BIN1: variants seen among roughly 807,000 people sequenced by gnomAD.
BIN1 encodes bridging integrator 1.
Under a neutral mutation model 82.0 loss-of-function variants are expected in BIN1, and 53 were observed. The ratio of observed to expected loss-of-function variants is 0.65; its 90% CI spans 0.52 to 0.81. The LOEUF (loss-of-function observed/expected upper bound fraction) is 0.81. Ranked by LOEUF, BIN1 falls within the 40% of genes least tolerant of loss-of-function variation. The pLI is 0.00. For missense variants in BIN1, 642 were observed against 784.4 expected, an observed-to-expected ratio of 0.82 and a Z score of 2.17; for synonymous variants, 302 against 328.0, an observed-to-expected ratio of 0.92 and a Z score of 0.86.
intron 7 of BIN1, among the ~76,000 whole-genome samples, chr2:127,065,837 G>A (rs1263750028): frequency 1.3e-5 from 2 of 152,208 alleles, no homozygotes; most frequent in East Asian, 1.9e-4. Context: ...CCCGTGTCTT[G>A]TATTCCCTTT....
intron 2 of BIN1, among the ~76,000 whole-genome samples, chr2:127,075,846 A>C (rs1686532888): frequency 1.1e-5 from 1 of 91,124 alleles, no homozygotes; most frequent in Non-Finnish European, 2.1e-5. Context: ...CCTCTCCCAG[A>C]ATGCTCCCAG....
At chr2:127,063,767 G>GCACCGCAGCACTCAGGCTGGA (rs1684802886) in intron 8 of BIN1, 121 bp from the exon 9 acceptor site, 1 of 1,381,200 alleles carries the variant, frequency 7.2e-7, no homozygotes, top group African/African-American at 1.4e-5. Context: ...GAGGGCCCAG[G>GCACCGCAGCACTCAGGCTGGA]CACCGCAGCA....
At chr2:127,053,704 C>T in intron 13 of BIN1, 1 of 700,264 alleles carries the variant, frequency 1.4e-6, no homozygotes, top group African/African-American at 1.8e-5. Context: ...GTTCAGTAAC[C>T]CCCTACTGAG....
chr2:127,050,945 G>T, intron 16 of BIN1, 33 bp from the exon 17 acceptor site: 1 of 1,604,872 alleles, frequency 6.2e-7, no homozygotes, highest in South Asian at 1.1e-5. Context: ...GCTGAGCAGG[G>T]AGGTGGTCCA....
At chr2:127,085,048 A>G (rs1172672325) in intron 1 of BIN1, among the ~76,000 whole-genome samples, 1 of 137,742 alleles carries the variant, frequency 7.3e-6, no homozygotes, top group African/African-American at 2.7e-5. Context: ...GCCCCGCCCC[A>G]CCCCAGAGCT....
chr2:127,105,051 C>T (rs1680861608), intron 1 of BIN1, among the ~76,000 whole-genome samples: 1 of 152,226 alleles, frequency 6.6e-6, no homozygotes, highest in South Asian at 2.1e-4. Context: ...GGCCACAGAA[C>T]AGGGGCTCAA....
chr2:127,060,365 T>C (rs905940386), intron 10 of BIN1, among the ~76,000 whole-genome samples: 1 of 152,154 alleles, frequency 6.6e-6, no homozygotes. Context: ...GCTAGACAAG[T>C]GTGGGGCGCC....
At chr2:127,080,633 G>C (rs185836826) in intron 1 of BIN1, among the ~76,000 whole-genome samples, 118 of 152,330 alleles carry the variant, frequency 7.7e-4, no homozygotes, top group African/African-American at 2.7e-3. Context: ...CAGCCACAGA[G>C]CCAACAGTCC....
intron 1 of BIN1, among the ~76,000 whole-genome samples, chr2:127,089,296 G>A (rs1456547856): frequency 2.6e-5 from 4 of 152,138 alleles, no homozygotes; most frequent in African/African-American, 9.7e-5. Flanking sequence ...AGCATGGAAC[G>A]TGGAACCCTG....
intron 7 of BIN1, among the ~76,000 whole-genome samples, chr2:127,066,981 G>C (rs989903336): frequency 7.9e-5 from 12 of 151,820 alleles, no homozygotes; most frequent in Non-Finnish European, 1.5e-4. Flanking sequence ...TGAGGCAGAA[G>C]GATTGCTTGA....
intron 1 of BIN1, among the ~76,000 whole-genome samples, chr2:127,092,005 T>C (rs1414519411): frequency 1.3e-5 from 2 of 151,504 alleles, no homozygotes; most frequent in Non-Finnish European, 2.9e-5. Context: ...CCCTACCCCA[T>C]GGCCCCTACC....
intron 1 of BIN1, among the ~76,000 whole-genome samples, chr2:127,081,620 C>A (rs1048574739): frequency 2.0e-5 from 3 of 152,186 alleles, no homozygotes; most frequent in Admixed American, 6.5e-5. Flanking sequence ...GTGAGGGCCG[C>A]GTTCCCAGTC....
intron 1 of BIN1, among the ~76,000 whole-genome samples, chr2:127,088,962 G>A (rs531851188): frequency 3.3e-5 from 5 of 152,234 alleles, no homozygotes; most frequent in Admixed American, 2.6e-4. Flanking sequence ...CAGCAAGACC[G>A]GCGTGGCTGA....
chr2:127,058,048 A>C (rs1473308203), intron 11 of BIN1, among the ~76,000 whole-genome samples: 1 of 151,488 alleles, frequency 6.6e-6, no homozygotes, highest in Non-Finnish European at 1.5e-5. Flanking sequence ...CCCTCTCTCC[A>C]CCTCCCAGGG....
chr2:127,070,085 G>C lies in BIN1; in HGVS notation c.321C>G (p.Asn107Lys). ...RDEANKIAENNDLLWMDYHQK... is the reference protein window; with the variant it reads ...RDEANKIAENKDLLWMDYHQK... ...GGTGGTAATCCATCCACAGCAGGTCGTTGTTCTGAGACAGGCAAGAGCACG... is the reference window on the plus strand; with the variant it reads ...GGTGGTAATCCATCCACAGCAGGTCCTTGTTCTGAGACAGGCAAGAGCACG... Residue 107 changes from asparagine to lysine, a missense_variant, in exon 5 of 19, where the codon AAC becomes AAG. By Grantham distance (94) the Asn-to-Lys change is moderately conservative (BLOSUM62 0). Transcript: ENST00000316724. 6.2e-7 allele frequency: 1 copy of C among 1,613,840 alleles called. No individual in the cohort carries two copies. The highest frequency in any genetic ancestry group is 1.1e-5 in the South Asian group (1 of 91,068).
chr2:127,049,341 C>T (rs980452130), intron 18 of BIN1, among the ~76,000 whole-genome samples: 1 of 152,110 alleles, frequency 6.6e-6, no homozygotes, highest in African/African-American at 2.4e-5. Context: ...CAGGGCTGGC[C>T]CACTAGGAGG....
intron 7 of BIN1, among the ~76,000 whole-genome samples, chr2:127,065,995 G>C (rs922454588): frequency 7.2e-5 from 11 of 152,180 alleles, no homozygotes; most frequent in Non-Finnish European, 8.8e-5. Flanking sequence ...CATGGGCCCG[G>C]GGTCCCGAGG....
chr2:127,077,238 G>A (rs6750713), intron 1 of BIN1, among the ~76,000 whole-genome samples: 3,289 of 152,268 alleles, frequency 0.022, 143 homozygotes, highest in African/African-American at 0.076. Flanking sequence ...AGGAGCTGCC[G>A]GGGGCCACGC....
chr2:127,102,282 C>G (rs1390630504), intron 1 of BIN1, among the ~76,000 whole-genome samples: 1 of 152,116 alleles, frequency 6.6e-6, no homozygotes, highest in Non-Finnish European at 1.5e-5. Context: ...CTGGGCTGGA[C>G]GCTGAGTCCA....
Sources: allele counts gnomAD v4.1 joint callset (sites outside exome capture counted in the v4.1 genomes callset), GRCh38; gene constraint gnomAD v4.1.1; transcripts MANE v1.5; gene names NCBI Gene and HGNC (gene_info 2026-07-23, HGNC 2026-07-21).